Variants in GABBR2 observed in about 807,000 individuals in gnomAD.
GABBR2 encodes G-protein coupled receptor 51.
In GABBR2, 23 loss-of-function variants were observed where a neutral mutation model predicts 105.6. That is an observed-to-expected ratio of 0.22 (90% CI 0.16 to 0.31). GABBR2 has a LOEUF of 0.31. Ranked by LOEUF, GABBR2 falls within the 10% of genes least tolerant of loss-of-function variation. The probability of loss-of-function intolerance (pLI) is 1.00; values close to 1 mark genes in which losing one functional copy is unlikely to be tolerated. For missense variants in GABBR2, 734 were observed against 1,245.5 expected, an observed-to-expected ratio of 0.59 and a Z score of 6.18; for synonymous variants, 478 against 499.7, an observed-to-expected ratio of 0.96 and a Z score of 0.58.
At chr9:98,535,942 T>A (rs1427894081) in intron 3 of GABBR2, among the ~76,000 whole-genome samples, 1 of 152,126 alleles carries the variant, frequency 6.6e-6, no homozygotes, top group Non-Finnish European at 1.5e-5. Flanking sequence ...CCATTCAATA[T>A]ACCCCACCAA....
intron 1 of GABBR2, among the ~76,000 whole-genome samples, chr9:98,702,031 C>A (rs1830834998): frequency 1.3e-5 from 2 of 152,110 alleles, no homozygotes; most frequent in Non-Finnish European, 2.9e-5. Flanking sequence ...CCCTTATGCA[C>A]CTGATAAGGC....
intron 1 of GABBR2, among the ~76,000 whole-genome samples, chr9:98,692,094 A>G (rs768296751): frequency 1.3e-5 from 2 of 152,210 alleles, no homozygotes; most frequent in Admixed American, 6.5e-5. Context: ...ACTGAGGCAC[A>G]GGGAGATAAA....
intron 1 of GABBR2, among the ~76,000 whole-genome samples, chr9:98,661,664 G>A (rs976438172): frequency 6.6e-6 from 1 of 152,198 alleles, no homozygotes; most frequent in Non-Finnish European, 1.5e-5. Context: ...GCCTCCCAAA[G>A]TGCTGGGATT....
At chr9:98,560,995 A>C (rs1828666697) in intron 2 of GABBR2, among the ~76,000 whole-genome samples, 1 of 151,912 alleles carries the variant, frequency 6.6e-6, no homozygotes, top group African/African-American at 2.4e-5. Flanking sequence ...GTATCATCTA[A>C]TGCGTAGTCC....
chr9:98,313,579 G>C (rs1384766278), intron 13 of GABBR2, among the ~76,000 whole-genome samples: 5 of 152,154 alleles, frequency 3.3e-5, no homozygotes, highest in African/African-American at 1.2e-4. Context: ...CCATACAACT[G>C]TCAAGCACAA....
chr9:98,513,906 G>C (rs112280958), intron 3 of GABBR2, among the ~76,000 whole-genome samples: 5,854 of 152,112 alleles, frequency 0.038, 393 homozygotes, highest in African/African-American at 0.13. Flanking sequence ...CCTATTACTG[G>C]GTATATACCC....
intron 13 of GABBR2, among the ~76,000 whole-genome samples, chr9:98,329,308 C>T (rs970721327): frequency 5.3e-5 from 8 of 152,196 alleles, no homozygotes; most frequent in Admixed American, 5.2e-4. Context: ...GCCTTGGTTT[C>T]CCCATCAGGA....
At chr9:98,470,063 C>G (rs1294202833) in intron 6 of GABBR2, among the ~76,000 whole-genome samples, 1 of 152,166 alleles carries the variant, frequency 6.6e-6, no homozygotes, top group Non-Finnish European at 1.5e-5. Flanking sequence ...TTATTCAACT[C>G]TGGGCCCCAC....
chr9:98,584,158 C>T (rs75442259), intron 1 of GABBR2, among the ~76,000 whole-genome samples: 1,915 of 152,188 alleles, frequency 0.013, 40 homozygotes, highest in African/African-American at 0.044. Context: ...ACCGGAAACC[C>T]CACTCACTTC....
At chr9:98,653,567 T>C (rs1286455413) in intron 1 of GABBR2, among the ~76,000 whole-genome samples, 1 of 152,202 alleles carries the variant, frequency 6.6e-6, no homozygotes, top group Non-Finnish European at 1.5e-5. Context: ...TGTCTTCCTT[T>C]TTCTACCTGA....
chr9:98,615,303 G>A lies in GABBR2; in HGVS notation c.322-37231C>T, dbSNP rs192013050. 9.8e-5 allele frequency among the ~76,000 whole-genome samples: 15 copies of A among 152,292 alleles called. 1 individual carries two copies. In the East Asian group the frequency reaches 2.9e-3, roughly 29 times the overall value. ...CTGGTGTGAGATTTACTGAGGAAAGGAGGAAGGACCACAAGCCTATCTCAG... is the reference window on the plus strand; with the variant it reads ...CTGGTGTGAGATTTACTGAGGAAAGAAGGAAGGACCACAAGCCTATCTCAG... On this transcript the variant is annotated intron_variant, in intron 1 of 18. Transcript: ENST00000259455.
At chr9:98,539,539 T>C (rs1035856604) in intron 3 of GABBR2, among the ~76,000 whole-genome samples, 7 of 152,148 alleles carry the variant, frequency 4.6e-5, no homozygotes, top group African/African-American at 1.7e-4. Flanking sequence ...CTCTGGGCCT[T>C]AGTTTCCCCT....
chr9:98,486,237 C>T (rs996686483), intron 4 of GABBR2, among the ~76,000 whole-genome samples: 2 of 152,206 alleles, frequency 1.3e-5, no homozygotes, highest in Admixed American at 6.5e-5. Context: ...CTTGACTCCT[C>T]GCTCCTATCT....
intron 1 of GABBR2, among the ~76,000 whole-genome samples, chr9:98,598,507 G>A (rs1347892979): frequency 6.6e-6 from 1 of 152,050 alleles, no homozygotes; most frequent in East Asian, 1.9e-4. Context: ...ATTAAAATGC[G>A]GCATTGTTGT....
chr9:98,494,456 A>G (rs1251599466), intron 4 of GABBR2, among the ~76,000 whole-genome samples: 1 of 152,216 alleles, frequency 6.6e-6, no homozygotes, highest in Non-Finnish European at 1.5e-5. Context: ...GTACTCTGTC[A>G]TTAGTGCTGC....
intron 1 of GABBR2, among the ~76,000 whole-genome samples, chr9:98,694,344 T>C (rs568295475): frequency 6.6e-6 from 1 of 152,332 alleles, no homozygotes; most frequent in African/African-American, 2.4e-5. Context: ...CCCTGATCAA[T>C]AGCCTGGCAG....
chr9:98,647,846 C>G (rs913386586), intron 1 of GABBR2, among the ~76,000 whole-genome samples: 1 of 152,034 alleles, frequency 6.6e-6, no homozygotes, highest in African/African-American at 2.4e-5. Flanking sequence ...GGCTCTGATA[C>G]GAAGGTTAGT....
At chr9:98,703,784 A>G (rs1488862619) in intron 1 of GABBR2, among the ~76,000 whole-genome samples, 1 of 150,434 alleles carries the variant, frequency 6.6e-6, no homozygotes, top group Non-Finnish European at 1.5e-5. Flanking sequence ...ATGAGCCACC[A>G]CACTCAGTCT....
intron 7 of GABBR2, among the ~76,000 whole-genome samples, chr9:98,419,978 C>A (rs369864011): frequency 6.6e-6 from 1 of 151,990 alleles, no homozygotes; most frequent in African/African-American, 2.4e-5. Context: ...CTCCTGACAA[C>A]GTTTCTGGCT....
Sources: allele counts gnomAD v4.1 joint callset (sites outside exome capture counted in the v4.1 genomes callset), GRCh38; gene constraint gnomAD v4.1.1; transcripts MANE v1.5; gene names NCBI Gene and HGNC (gene_info 2026-07-23, HGNC 2026-07-21).